The following ZNF592 variants were observed in gnomAD, a reference collection of about 807,000 sequenced individuals.
ZNF592 encodes zinc finger protein 592, also known as spinocerebellar ataxia, autosomal recessive 5.
A neutral mutation model predicts 80.3 loss-of-function variants in ZNF592; 11 were observed. The ratio of observed to expected loss-of-function variants is 0.14; its 90% CI spans 0.09 to 0.23. The LOEUF is 0.23. ZNF592 is among the 10% of genes least tolerant of loss of function. The pLI is 1.00. For synonymous variants in ZNF592, 646 were observed against 640.3 expected, an observed-to-expected ratio of 1.01 and a Z score of -0.13; for missense variants, 1,420 against 1,633.9, an observed-to-expected ratio of 0.87 and a Z score of 2.26.
At chr15:84,748,849 C>G (rs1596099596) in intron 1 of ZNF592, among the ~76,000 whole-genome samples, 185 bp downstream of exon 1, 1 of 147,360 alleles carries the variant, frequency 6.8e-6, no homozygotes, top group South Asian at 2.1e-4. Context: ...CTGGCGGGCC[C>G]GGGCCGCCAC....
intron 4 of ZNF592, 67 bp from the exon 5 acceptor site, chr15:84,790,638 A>G (rs1962719728): frequency 6.5e-7 from 1 of 1,549,384 alleles, no homozygotes; most frequent in Non-Finnish European, 8.9e-7. Flanking sequence ...CAAACCAGAC[A>G]GCCCTGATTG....
In ZNF592 at chr15:84,764,118, C is replaced by T. The variant is rs1173175844; in HGVS notation, c.-258-589C>T. Among the ~76,000 whole-genome samples, 2 of 152,196 alleles carry T rather than the reference C, an allele frequency of 1.3e-5. 1 individual carries two copies. Among genetic ancestry groups the T allele is most frequent in the Non-Finnish European group, 2.9e-5 (2 of 68,032 alleles). Reference sequence around the variant, plus strand: ...CCTGCCCCCCTGGCCCCTGCTTGGCCCTCTGCTTCTTCAGCTTCAGCGGGC... The same window carrying T: ...CCTGCCCCCCTGGCCCCTGCTTGGCTCTCTGCTTCTTCAGCTTCAGCGGGC... On this transcript the variant is annotated intron_variant, in intron 1 of 10. Transcript: ENST00000560079.
intron 1 of ZNF592, among the ~76,000 whole-genome samples, chr15:84,761,690 A>G (rs1031970598): frequency 1.3e-5 from 2 of 152,186 alleles, no homozygotes; most frequent in Non-Finnish European, 2.9e-5. Context: ...CTGTAATCCC[A>G]GGAGAGGAGC....
intron 2 of ZNF592, among the ~76,000 whole-genome samples, chr15:84,776,611 C>A (rs1343536745): frequency 2.0e-5 from 3 of 152,138 alleles, no homozygotes; most frequent in Non-Finnish European, 4.4e-5. Context: ...CAAAAATTAG[C>A]CGGGCATGGT....
chr15:84,759,771 G>T (rs1420931153), intron 1 of ZNF592, among the ~76,000 whole-genome samples: 1 of 152,194 alleles, frequency 6.6e-6, no homozygotes, highest in Non-Finnish European at 1.5e-5. Flanking sequence ...GGCAGCAAAA[G>T]AAACATTCAT....
chr15:84,799,771 C>T lies in ZNF592; in HGVS notation c.3138-71C>T, dbSNP rs912248012. 1.0e-5 allele frequency: 16 copies of T among 1,606,324 alleles called. No individual in the cohort carries two copies. Among genetic ancestry groups the T allele is most frequent in the Admixed American group, 1.7e-5 (1 of 59,998 alleles). The stretch of plus-strand genomic sequence containing the variant: ...TGCTCCAGACTCCCTCCTTCCTGGC[C>T]TTGGTGTGAATAGCACTGAGGGAGC... On this transcript the variant is annotated intron_variant, in intron 9 of 10. Transcript: ENST00000560079. The surrounding 1 kb of genome is among the most constrained non-coding windows in gnomAD (Gnocchi z 4.2).
rs1899286463 is a variant in ZNF592 at position 84,759,752 on chromosome 15, A to G, written c.-258-4955A>G. 2.0e-5 allele frequency among the ~76,000 whole-genome samples: 3 copies of G among 152,118 alleles called. No individual in the cohort carries two copies. The South Asian group carries it at 6.2e-4, about 32-fold the overall frequency. On this transcript the variant is annotated intron_variant, in intron 1 of 10. Coordinates refer to ENST00000560079, the MANE Select transcript of ZNF592 (RefSeq NM_014630.3). ...GGGACACACTTCTGCATGGGAGGAG[A>G]GAAGTGAGGGCAGCAAAAGAAACAT... is the stretch of plus-strand genomic sequence containing the variant.
At chr15:84,755,398 C>G (rs923206414) in intron 1 of ZNF592, among the ~76,000 whole-genome samples, 1 of 152,030 alleles carries the variant, frequency 6.6e-6, no homozygotes, top group African/African-American at 2.4e-5. Flanking sequence ...TCTTGAGTAG[C>G]TGGGACTATA....
intron 1 of ZNF592, among the ~76,000 whole-genome samples, chr15:84,762,018 T>C (rs1478445386): frequency 5.3e-5 from 8 of 152,208 alleles, no homozygotes; most frequent in Middle Eastern, 6.3e-3. Context: ...TGAAGAAGTG[T>C]TTTTGGTATA....
Position 84,782,838 on chromosome 15 carries a change from T to G in ZNF592, c.163T>G (p.Ser55Ala), listed in dbSNP as rs765265500. ...ATGTATGGATGAAAGTGTGTCCTTG[T>G]CTCACTCAGGATCAGCCCCCGATGT... Reference protein sequence around the residue: ...GICMDESVSLSHSGSAPDVPA... With the variant: ...GICMDESVSLAHSGSAPDVPA... The change falls in exon 4 of 11, where the codon TCT becomes GCT. Residue 55 changes from serine to alanine, a missense_variant. Physicochemically the swap from Ser to Ala is moderately conservative, Grantham distance 99. Around this residue, in one of 7 missense-constraint regions of ZNF592, gnomAD observed 373 missense variants for 355.5 expected, o/e 1.05. Coordinates refer to ENST00000560079, the MANE Select transcript of ZNF592 (RefSeq NM_014630.3). The G allele has an allele frequency of 4.3e-6, 7 of 1,614,146 alleles. No homozygotes were observed. The highest frequency in any genetic ancestry group is 5.9e-6 in the Non-Finnish European group (7 of 1,180,024).
intron 3 of ZNF592, among the ~76,000 whole-genome samples, chr15:84,781,967 A>G (rs1962433797): frequency 6.6e-6 from 1 of 152,224 alleles, no homozygotes; most frequent in Non-Finnish European, 1.5e-5. Context: ...TCACTTGGCC[A>G]ATTTGATAAC....
rs748149088 is a variant in ZNF592, at chr15:84,799,203, A to G, written c.3130A>G (p.Thr1044Ala). ...CCATGACACAGTAAAGAAGTTCTAC[A>G]CCTGCGGGTGAGTCCCTGGGGATAG... ...NNHDTVKKFY[T>A]CGYCTEDSPS... Residue 1044 changes from threonine (T) to alanine (A), a missense_variant, in exon 9 of 11, where the codon ACC becomes GCC. Transcript: ENST00000560079. The surrounding 1 kb of genome is among the most constrained non-coding windows in gnomAD (Gnocchi z 4.2). 9.9e-6 allele frequency: 16 copies of G among 1,613,984 alleles called. No individual in the cohort carries two copies. Among genetic ancestry groups the G allele is most frequent in the Admixed American group, 6.7e-5 (4 of 59,996 alleles).
Position 84,802,456 on chromosome 15 carries a change from G to T in ZNF592, c.*63G>T. ...CGAAGTGTCTTCCACCTGCCCTGCG[G>T]ACCGTGGAAAATAAAAGGCTCTGCC... is the stretch of plus-strand genomic sequence containing the variant. On this transcript the variant is annotated 3_prime_UTR_variant, in exon 11 of 11. Coordinates refer to ENST00000560079, the MANE Select transcript of ZNF592 (RefSeq NM_014630.3). 3 of 1,583,450 alleles carry T rather than the reference G, an allele frequency of 1.9e-6. No individual in the cohort carries two copies. The highest frequency in any genetic ancestry group is 1.8e-5 in the Admixed American group (1 of 57,080).
At chr15:84,786,479 A>G (rs78010753) in intron 4 of ZNF592, among the ~76,000 whole-genome samples, 8 of 152,210 alleles carry the variant, frequency 5.3e-5, no homozygotes, top group Admixed American at 4.6e-4. Flanking sequence ...AGAAGAGGAC[A>G]TTGTTATGCA....
At chr15:84,764,149 G>C (rs886774932) in intron 1 of ZNF592, among the ~76,000 whole-genome samples, 7 of 152,102 alleles carry the variant, frequency 4.6e-5, no homozygotes, top group Non-Finnish European at 5.9e-5. Context: ...CGGGCATCCC[G>C]AGCACTGGAG....
chr15:84,766,669 C>T (rs964203135), intron 2 of ZNF592, among the ~76,000 whole-genome samples: 2 of 145,110 alleles, frequency 1.4e-5, no homozygotes, highest in South Asian at 2.2e-4. Flanking sequence ...GAAAGTGTAC[C>T]GTGGAGGAAG....
chr15:84,749,134 T>C (rs1898937898), intron 1 of ZNF592, among the ~76,000 whole-genome samples: 1 of 152,220 alleles, frequency 6.6e-6, no homozygotes, highest in Admixed American at 6.5e-5. Flanking sequence ...TCTTTGGCGC[T>C]CCTCAGTACT....
At chr15:84,794,339 A>G (rs541405566) in intron 5 of ZNF592, among the ~76,000 whole-genome samples, 5 of 152,268 alleles carry the variant, frequency 3.3e-5, no homozygotes, top group African/African-American at 9.6e-5. Flanking sequence ...CCCCACCAGC[A>G]GTGTATCTAG....
chr15:84,778,259 G>A lies in ZNF592; in HGVS notation c.-73G>A, dbSNP rs192593696. Reference sequence around the variant, plus strand: ...CTCCCCCGTACGGAGACAGAGGGAGGGGGGGCTCCAAAGCCGAAAGAGGAG... The same window carrying A: ...CTCCCCCGTACGGAGACAGAGGGAGAGGGGGCTCCAAAGCCGAAAGAGGAG... On this transcript the variant is annotated 5_prime_UTR_variant, in exon 3 of 11. Coordinates refer to ENST00000560079, the MANE Select transcript of ZNF592 (RefSeq NM_014630.3). 2.5e-5 allele frequency: 7 copies of A among 285,194 alleles called. No homozygotes were observed. The highest frequency in any genetic ancestry group is 9.1e-5 in the South Asian group (3 of 32,954). The allele number at this position is 285,194 out of a possible 1,614,324, so 17.7% of individuals were successfully genotyped here. A position where few individuals can be genotyped will look rare whatever the true frequency, so the allele number is the denominator to read the frequency against.
Sources: allele counts gnomAD v4.1 joint callset (sites outside exome capture counted in the v4.1 genomes callset), GRCh38; gene constraint gnomAD v4.1.1; regional missense constraint gnomAD v4.1.1; non-coding constraint Gnocchi (gnomAD v3.1); transcripts MANE v1.5; gene names NCBI Gene and HGNC (gene_info 2026-07-23, HGNC 2026-07-21).